Variants in SDK1 observed in about 807,000 individuals in gnomAD.
SDK1 encodes sidekick cell adhesion molecule 1, also known as protein sidekick-1.
Under a neutral mutation model 245.5 loss-of-function variants are expected in SDK1, and 157 were observed. The ratio of observed to expected loss-of-function variants is 0.64; its 90% CI spans 0.56 to 0.73. SDK1 has a LOEUF of 0.73. SDK1 is among the 30% of genes least tolerant of loss of function. The pLI is 0.00. For missense variants in SDK1, 3,583 were observed against 3,002.3 expected, an observed-to-expected ratio of 1.19 and a Z score of -4.52; for synonymous variants, 1,647 against 1,278.5, an observed-to-expected ratio of 1.29 and a Z score of -6.15.
intron 1 of SDK1, among the ~76,000 whole-genome samples, chr7:3,597,066 C>T (rs529435635): frequency 1.1e-4 from 16 of 151,862 alleles, no homozygotes; most frequent in South Asian, 8.4e-4. Context: ...GTCAGGAGAT[C>T]GAAACCATCC....
At chr7:3,740,276 G>T (rs970716117) in intron 4 of SDK1, among the ~76,000 whole-genome samples, 1 of 152,170 alleles carries the variant, frequency 6.6e-6, no homozygotes, top group Non-Finnish European at 1.5e-5. Context: ...CTGGACATGT[G>T]CTTAGCCCTG....
chr7:4,183,289 C>A (rs1372577913), intron 35 of SDK1, among the ~76,000 whole-genome samples: 1 of 152,136 alleles, frequency 6.6e-6, no homozygotes, highest in Non-Finnish European at 1.5e-5. Flanking sequence ...CTGGGAAAGT[C>A]ACTAATTTTG....
At chr7:3,763,168 C>T (rs1342646210) in intron 4 of SDK1, among the ~76,000 whole-genome samples, 1 of 152,092 alleles carries the variant, frequency 6.6e-6, no homozygotes, top group African/African-American at 2.4e-5. Context: ...CTTGGATAAA[C>T]TGTCTTTAAT....
Position 3,741,987 on chromosome 7 carries a change from CATAT to C in SDK1, c.714-79440_714-79437del, listed in dbSNP as rs142076799. ...ATTTGTGTTCCCATATTGTAGTGTG[CATAT>C]ATATATATATATATATATATATGCT... On this transcript the variant is annotated intron_variant, in intron 4 of 44. Transcript: ENST00000404826. Among the ~76,000 whole-genome samples, 1,203 of 132,018 alleles carry C rather than the reference CATAT, an allele frequency of 9.1e-3. 20 individuals are homozygous for C. Among genetic ancestry groups the C allele is most frequent in the African/African-American group, 0.029 (994 of 34,706 alleles). 86.6% of individuals were successfully genotyped at this position (132,018 alleles called of 152,430 possible).
intron 35 of SDK1, among the ~76,000 whole-genome samples, chr7:4,180,258 C>G (rs1489051020): frequency 6.7e-6 from 1 of 149,038 alleles, no homozygotes; most frequent in African/African-American, 2.5e-5. Context: ...GTGCCCGGCT[C>G]CAGCTCTATG....
At chr7:4,086,164 CTGGGCATCATGTG>C (rs1562788841) in intron 22 of SDK1, among the ~76,000 whole-genome samples, 1 of 152,174 alleles carries the variant, frequency 6.6e-6, no homozygotes, top group African/African-American at 2.4e-5. Flanking sequence ...CTGAATACCC[CTGGGCATCATGTG>C]TGCACTTGTC....
intron 1 of SDK1, among the ~76,000 whole-genome samples, chr7:3,319,008 G>A (rs1205963748): frequency 6.6e-6 from 1 of 152,018 alleles, no homozygotes; most frequent in Non-Finnish European, 1.5e-5. Context: ...CTATCTGGGG[G>A]TGGCCTGAGG....
chr7:4,224,547 G>C (rs911552739), intron 40 of SDK1, among the ~76,000 whole-genome samples: 1 of 152,152 alleles, frequency 6.6e-6, no homozygotes, highest in African/African-American at 2.4e-5. Context: ...CCCCAACACC[G>C]GGGACGATAA....
At chr7:3,409,117 G>C (rs1779129506) in intron 1 of SDK1, among the ~76,000 whole-genome samples, 2 of 151,982 alleles carry the variant, frequency 1.3e-5, no homozygotes. Flanking sequence ...TTTTGTGTGA[G>C]ATAAAAACAA....
At chr7:4,068,363 C>T (rs894735007) in intron 20 of SDK1, among the ~76,000 whole-genome samples, 4 of 152,168 alleles carry the variant, frequency 2.6e-5, no homozygotes, top group Non-Finnish European at 4.4e-5. Context: ...ACCTTTCCTT[C>T]ATTCAGCAGA....
intron 4 of SDK1, among the ~76,000 whole-genome samples, chr7:3,788,677 C>A (rs1014175007): frequency 3.3e-5 from 5 of 152,152 alleles, no homozygotes; most frequent in Non-Finnish European, 7.4e-5. Flanking sequence ...GGAAAAAAAT[C>A]TCATAATGTT....
At position 4,004,486 on chromosome 7, in the gene SDK1, A is replaced by AT. The variant is rs540521964; in HGVS notation, c.2132-6475dup. 4.5e-4 allele frequency among the ~76,000 whole-genome samples: 68 copies of AT among 152,290 alleles called. 1 individual carries two copies. The South Asian group carries it at 0.013, about 30-fold the overall frequency. The stretch of plus-strand genomic sequence containing the variant: ...CAAAGTAAAGCATCAACCAAATTAC[A>AT]TTTTTCACCCACCAATAGACAATTA... On this transcript the variant is annotated intron_variant, in intron 14 of 44. Transcript: ENST00000404826.
In SDK1 at chr7:3,952,155, C is replaced by T. The variant is rs570821888; in HGVS notation, c.1150+235C>T. The T allele has an allele frequency of 8.5e-5, 45 of 530,254 alleles. No homozygotes were observed. The South Asian group carries it at 1.0e-3, about 12-fold the overall frequency. 32.8% of individuals were successfully genotyped at this position (530,254 alleles called of 1,614,324 possible). A position where few individuals can be genotyped will look rare whatever the true frequency, so the allele number is the denominator to read the frequency against. Reference sequence around the variant, plus strand: ...TCCAAGAAACGTCCTTCTGAATACTCCAGTCACAAAGCTCGGGAAATAGAG... The same window carrying T: ...TCCAAGAAACGTCCTTCTGAATACTTCAGTCACAAAGCTCGGGAAATAGAG... On this transcript the variant is annotated intron_variant, in intron 7 of 44. Coordinates refer to ENST00000404826, the MANE Select transcript of SDK1 (RefSeq NM_152744.4).
chr7:4,201,407 C>T (rs757295490), intron 35 of SDK1, among the ~76,000 whole-genome samples: 21 of 152,258 alleles, frequency 1.4e-4, no homozygotes, highest in East Asian at 7.7e-4. Flanking sequence ...GAAAGAGAAT[C>T]TCACCAGTTT....
At chr7:3,376,994 T>G (rs1781371556) in intron 1 of SDK1, among the ~76,000 whole-genome samples, 1 of 152,212 alleles carries the variant, frequency 6.6e-6, no homozygotes, top group Non-Finnish European at 1.5e-5. Flanking sequence ...TTCTTTAATT[T>G]TAACTTCCTT....
intron 22 of SDK1, among the ~76,000 whole-genome samples, chr7:4,098,330 A>T (rs1019197952): frequency 2.0e-5 from 3 of 152,208 alleles, no homozygotes; most frequent in Admixed American, 1.3e-4. Context: ...CACAACCGTC[A>T]AACCAAATTA....
intron 43 of SDK1, among the ~76,000 whole-genome samples, chr7:4,245,219 A>G (rs1234461875): frequency 6.6e-6 from 1 of 152,112 alleles, no homozygotes; most frequent in Non-Finnish European, 1.5e-5. Flanking sequence ...GGCCTGGTGC[A>G]AACTTCCCCA....
At chr7:3,884,102 A>G (rs1248287673) in intron 5 of SDK1, among the ~76,000 whole-genome samples, 1 of 139,656 alleles carries the variant, frequency 7.2e-6, no homozygotes, top group African/African-American at 2.7e-5. Flanking sequence ...TTTTTTTGAG[A>G]CAGGGTCTCG....
chr7:3,411,169 C>T (rs1164874988), intron 1 of SDK1, among the ~76,000 whole-genome samples: 6 of 152,020 alleles, frequency 3.9e-5, no homozygotes, highest in African/African-American at 1.4e-4. Flanking sequence ...CAGTGTAGGG[C>T]AAAGCAAATC....
Sources: allele counts gnomAD v4.1 joint callset (sites outside exome capture counted in the v4.1 genomes callset), GRCh38; gene constraint gnomAD v4.1.1; transcripts MANE v1.5; gene names NCBI Gene and HGNC (gene_info 2026-07-23, HGNC 2026-07-21).